ADGRB1: variants seen among roughly 807,000 people sequenced by gnomAD.
ADGRB1 encodes the protein brain-specific angiogenesis inhibitor 1.
A neutral mutation model predicts 175.7 loss-of-function variants in ADGRB1; 36 were observed. The observed-to-expected ratio is 0.20, with a 90% confidence interval of 0.16 to 0.27. ADGRB1 has a LOEUF of 0.27. Ranked by LOEUF, ADGRB1 falls within the 10% of genes least tolerant of loss-of-function variation. The pLI is 1.00. For missense variants in ADGRB1, 1,731 were observed against 2,255.3 expected (o/e 0.77, Z 4.71); for synonymous variants, 1,054 against 979.4 (o/e 1.08, Z -1.42).
chr8:142,516,574 G>A (rs1843454497), intron 18 of ADGRB1, among the ~76,000 whole-genome samples: 1 of 148,844 alleles, frequency 6.7e-6, no homozygotes, highest in Non-Finnish European at 1.5e-5. Context: ...GTGTGTGTGG[G>A]CCCCAGGGGC....
chr8:142,542,572 C>T lies in ADGRB1; in HGVS notation c.4338C>T (p.Ala1446=), dbSNP rs771898694. The change falls in exon 28 of 31, where the codon GCC becomes GCT. Residue 1446 remains alanine (A), a synonymous_variant. Transcript: ENST00000517894. This position sits in a 1 kb window ranked among gnomAD's most constrained non-coding sequence, Gnocchi z 6.3. Reference sequence around the variant, plus strand: ...GCCTGGGGGATCCCGGGGAGCCTGCCGCCCATCCGGGACCCAGCACGGGGC... The same window carrying T: ...GCCTGGGGGATCCCGGGGAGCCTGCTGCCCATCCGGGACCCAGCACGGGGC... ...PPSLGDPGEP[A]AHPGPSTGPS... is the part of the protein sequence containing the mutation. 43 of 1,533,534 alleles carry T rather than the reference C, an allele frequency of 2.8e-5. No individual in the cohort carries two copies. Among genetic ancestry groups the T allele is most frequent in the Admixed American group, 6.1e-5 (3 of 49,328 alleles). 95.0% of individuals were successfully genotyped at this position (1,533,534 alleles called of 1,614,324 possible). A position where few individuals can be genotyped will look rare whatever the true frequency, so the allele number is the denominator to read the frequency against.
In ADGRB1 at chr8:142,470,475, C is replaced by T. The variant is rs1840601005; in HGVS notation, c.785-4999C>T. On this transcript the variant is annotated intron_variant, in intron 2 of 30. Coordinates refer to ENST00000517894, the MANE Select transcript of ADGRB1 (RefSeq NM_001702.3). ...CACAAGGAGGGACAGGGGAGCCACT[C>T]CTTTTGCACAAGGGCCAATTTAGTG... 2.6e-5 allele frequency among the ~76,000 whole-genome samples: 4 copies of T among 151,550 alleles called. No individual in the cohort carries two copies. In the South Asian group the frequency reaches 6.3e-4, roughly 24 times the overall value.
intron 2 of ADGRB1, among the ~76,000 whole-genome samples, chr8:142,469,362 C>T (rs929385314): frequency 1.4e-5 from 2 of 144,468 alleles, no homozygotes; most frequent in Non-Finnish European, 3.0e-5. Context: ...TCTATGTGCA[C>T]GTGCATGTGT....
intron 1 of ADGRB1, among the ~76,000 whole-genome samples, chr8:142,463,374 C>A (rs1770493765): frequency 6.6e-6 from 1 of 152,234 alleles, no homozygotes; most frequent in Non-Finnish European, 1.5e-5. Flanking sequence ...GCTATTGAGG[C>A]TCTGCACCCC....
Position 142,511,589 on chromosome 8 carries a change from C to T in ADGRB1, c.2817+516C>T, listed in dbSNP as rs932554023. Among the ~76,000 whole-genome samples the T allele has an allele frequency of 6.6e-6, 1 of 152,198 alleles. No individual in the cohort carries two copies. The highest frequency in any genetic ancestry group is 1.9e-4 in the East Asian group (1 of 5,174). On this transcript the variant is annotated intron_variant, in intron 18 of 30. Coordinates refer to ENST00000517894, the MANE Select transcript of ADGRB1 (RefSeq NM_001702.3). This position sits in a 1 kb window ranked among gnomAD's most constrained non-coding sequence, Gnocchi z 4.5. ...CCAGGCAGGGGCCCTGGCCCAGATC[C>T]ACCGCCCCCCAGGCCTCAGCACCTC...
At chr8:142,538,860 T>C (rs1449385040) in intron 26 of ADGRB1, among the ~76,000 whole-genome samples, 1 of 152,168 alleles carries the variant, frequency 6.6e-6, no homozygotes, top group African/African-American at 2.4e-5. Context: ...GGGAGAGTTC[T>C]GGTGCCGCAG....
chr8:142,503,006 C>T (rs889116224), intron 17 of ADGRB1, among the ~76,000 whole-genome samples: 1 of 151,106 alleles, frequency 6.6e-6, no homozygotes, highest in African/African-American at 2.4e-5. Context: ...GGGGTGGTGG[C>T]GATGGTGACA....
chr8:142,501,543 T>G (rs918226100), intron 17 of ADGRB1, among the ~76,000 whole-genome samples: 20 of 141,968 alleles, frequency 1.4e-4, no homozygotes, highest in African/African-American at 5.6e-4. Flanking sequence ...GTGGTGGTGA[T>G]GGTGATGTGG....
In ADGRB1 at chr8:142,478,393, A is replaced by G. The variant is rs374210022; in HGVS notation, c.1561+33A>G. ...GTGCGCCAGGCTGGGGTCGGGGGGC[A>G]CCTAACAAGCAGGAGCCTCTAGGAA... is the stretch of plus-strand genomic sequence containing the variant. On this transcript the variant is annotated intron_variant, in intron 7 of 30. Transcript: ENST00000517894. 1.2e-4 allele frequency: 185 copies of G among 1,554,344 alleles called. No individual in the cohort carries two copies. In the African/African-American group the frequency reaches 2.2e-3, roughly 19 times the overall value.
rs958189994 is a variant in ADGRB1, at chr8:142,542,788, C to A, written c.4413+141C>A. The A allele has an allele frequency of 1.8e-5, 14 of 777,624 alleles. No individual in the cohort carries two copies. The African/African-American group carries it at 2.6e-4, about 14-fold the overall frequency. The allele number at this position is 777,624 out of a possible 1,614,324, so 48.2% of individuals were successfully genotyped here. On this transcript the variant is annotated intron_variant, in intron 28 of 30. Coordinates refer to ENST00000517894, the MANE Select transcript of ADGRB1 (RefSeq NM_001702.3). This position sits in a 1 kb window ranked among gnomAD's most constrained non-coding sequence, Gnocchi z 6.3. The stretch of plus-strand genomic sequence containing the variant: ...CCTAGCTACACCCCCCACCCCTGGC[C>A]CTGCTGGGTGTGCTGTGTATGTCTG...
At chr8:142,463,478 C>A (rs766659639) in intron 1 of ADGRB1, among the ~76,000 whole-genome samples, 8 of 152,274 alleles carry the variant, frequency 5.3e-5, no homozygotes, top group Non-Finnish European at 1.2e-4. Flanking sequence ...TCCGGGCCCA[C>A]TTCCCTTCCC....
intron 18 of ADGRB1, among the ~76,000 whole-genome samples, chr8:142,513,923 G>T (rs890778380): frequency 1.3e-5 from 2 of 152,094 alleles, no homozygotes; most frequent in Non-Finnish European, 2.9e-5. Flanking sequence ...CTCCAGGGGC[G>T]TGAGGAGCCG....
intron 15 of ADGRB1, 93 bp downstream of exon 15, chr8:142,489,203 C>A: frequency 6.5e-7 from 1 of 1,543,742 alleles, no homozygotes; most frequent in Non-Finnish European, 8.8e-7. Context: ...GGCCAGGGGG[C>A]CTGGAGGAGT....
At position 142,464,977 on chromosome 8, in the gene ADGRB1, C is replaced by G; in HGVS notation, c.779C>G (p.Ala260Gly). The change falls in exon 2 of 31, where the codon GCC becomes GGC. Residue 260 changes from alanine (A) to glycine (G), a missense_variant. By Grantham distance (60) the Ala-to-Gly change is moderately conservative. Coordinates refer to ENST00000517894, the MANE Select transcript of ADGRB1 (RefSeq NM_001702.3). ...ACCCAGGACCGGGGCGGGCACGGCG[C>G]CACAGGTGAGTGACTGGCGGGGAAA... ...SLTQDRGGHG[A>G]TGGWKLWSLW... The G allele has an allele frequency of 1.3e-6, 2 of 1,503,936 alleles. No individual in the cohort carries two copies. Among genetic ancestry groups the G allele is most frequent in the Non-Finnish European group, 8.8e-7 (1 of 1,132,970 alleles). 93.2% of individuals were successfully genotyped at this position (1,503,936 alleles called of 1,614,324 possible).
rs911922536 is a variant in ADGRB1 at position 142,520,736 on chromosome 8, G to A, written c.2922-87G>A. 40 of 1,161,878 alleles carry A rather than the reference G, an allele frequency of 3.4e-5. No individual in the cohort carries two copies. In the African/African-American group the frequency reaches 5.5e-4, roughly 16 times the overall value. The allele number at this position is 1,161,878 out of a possible 1,614,324, so 72.0% of individuals were successfully genotyped here. ...CAATGCCTGCAGGAAGTGGGGTGGG[G>A]CTCTGGTCTTGGTGCCACAGGACCA... On this transcript the variant is annotated intron_variant, in intron 19 of 30. Transcript: ENST00000517894.
chr8:142,542,019 A>AGAAGCT lies in ADGRB1; in HGVS notation c.3793_3798dup (p.Lys1265_Leu1266dup), dbSNP rs762737135. On this transcript the variant is annotated inframe_insertion, in exon 28 of 31. Transcript: ENST00000517894. The surrounding 1 kb of genome is among the most constrained non-coding windows in gnomAD (Gnocchi z 6.3). ...AAGCGGCCGTCTCTGCCCGAGGAGG[A>AGAAGCT]GAAGCTGAAGCTGGCCCATGCCAAG... The AGAAGCT allele has an allele frequency of 6.2e-6, 10 of 1,606,818 alleles. No individual in the cohort carries two copies. Among genetic ancestry groups the AGAAGCT allele is most frequent in the Non-Finnish European group, 8.5e-6 (10 of 1,177,672 alleles).
rs1157667992 is a variant in ADGRB1, at chr8:142,543,261, A to T, written c.4414-142A>T. 9 of 1,119,212 alleles carry T rather than the reference A, an allele frequency of 8.0e-6. No individual in the cohort carries two copies. In the East Asian group the frequency reaches 1.8e-4, roughly 22 times the overall value. The allele number at this position is 1,119,212 out of a possible 1,614,324, so 69.3% of individuals were successfully genotyped here. On this transcript the variant is annotated intron_variant, in intron 28 of 30. Transcript: ENST00000517894. The surrounding 1 kb of genome is among the most constrained non-coding windows in gnomAD (Gnocchi z 4.4). ...GGAGGAGCTGCCTCAGTGCGCCCCC[A>T]GGCATGTCCCCTGGGTCTGGCCTGG...
chr8:142,507,006 G>A (rs1842881667), intron 17 of ADGRB1, among the ~76,000 whole-genome samples: 1 of 152,252 alleles, frequency 6.6e-6, no homozygotes, highest in African/African-American at 2.4e-5. Flanking sequence ...CAGGCCCTGG[G>A]TGGGAGGGGG....
chr8:142,454,717 T>TC lies in ADGRB1; in HGVS notation c.-220+4618dup, dbSNP rs1839557518. Among the ~76,000 whole-genome samples the TC allele has an allele frequency of 1.3e-5, 2 of 151,888 alleles. 1 individual carries two copies. Among genetic ancestry groups the TC allele is most frequent in the South Asian group, 4.2e-4 (2 of 4,816 alleles). ...TCGGGGTTAAGGTGAGGATCCCCCT[T>TC]CCCCCGCAAAGCACATGCCACTGAG... On this transcript the variant is annotated intron_variant, in intron 1 of 30. Coordinates refer to ENST00000517894, the MANE Select transcript of ADGRB1 (RefSeq NM_001702.3).
Sources: gnomAD v4.1 joint callset for allele counts (sites outside exome capture counted in the v4.1 genomes callset) on GRCh38, gnomAD v4.1.1 for gene constraint, Gnocchi (gnomAD v3.1) non-coding constraint, MANE v1.5 for transcripts, NCBI Gene and HGNC (gene_info 2026-07-23, HGNC 2026-07-21) for gene names.